Variants in CSMD1 observed in about 807,000 individuals in gnomAD.
CSMD1 encodes the protein CUB and Sushi multiple domains 1.
CSMD1 carries 213 observed loss-of-function variants against 417.5 expected under a neutral mutation model. The ratio of observed to expected loss-of-function variants is 0.51; its 90% CI spans 0.46 to 0.57. CSMD1 has a LOEUF of 0.57. Ranked by LOEUF, CSMD1 falls within the 20% of genes least tolerant of loss-of-function variation. CSMD1 has a pLI of 0.00. For missense variants in CSMD1, 6,923 were observed against 4,529.7 expected (o/e 1.53, Z -15.17); for synonymous variants, 2,862 against 1,736.8 (o/e 1.65, Z -16.11).
chr8:4,494,441 T>C (rs1201419034), intron 2 of CSMD1, among the ~76,000 whole-genome samples: 1 of 152,218 alleles, frequency 6.6e-6, no homozygotes, highest in Non-Finnish European at 1.5e-5. Context: ...TTATCGCATA[T>C]ATTGCTTGAA....
At chr8:4,701,679 T>G (rs1457451541) in intron 1 of CSMD1, among the ~76,000 whole-genome samples, 1 of 152,152 alleles carries the variant, frequency 6.6e-6, no homozygotes, top group Non-Finnish European at 1.5e-5. Context: ...TGTCAAACCT[T>G]TCTCCTTAAA....
chr8:3,931,985 T>A (rs968980939), intron 5 of CSMD1, among the ~76,000 whole-genome samples: 7 of 149,770 alleles, frequency 4.7e-5, no homozygotes, highest in African/African-American at 1.5e-4. Flanking sequence ...TAGTATTGAT[T>A]TAGATGTAGA....
At chr8:4,314,007 C>T (rs1367600979) in intron 3 of CSMD1, among the ~76,000 whole-genome samples, 1 of 150,716 alleles carries the variant, frequency 6.6e-6, no homozygotes, top group African/African-American at 2.4e-5. Context: ...AAGTGAGAAT[C>T]CGTCTCAAAA....
intron 10 of CSMD1, among the ~76,000 whole-genome samples, chr8:3,512,260 T>A (rs910995786): frequency 1.3e-5 from 2 of 152,238 alleles, no homozygotes; most frequent in African/African-American, 2.4e-5. Flanking sequence ...ATTCTCATCT[T>A]CAGGGATGGA....
intron 1 of CSMD1, among the ~76,000 whole-genome samples, chr8:4,822,265 T>C (rs1799566725): frequency 6.6e-6 from 1 of 152,280 alleles, no homozygotes; most frequent in South Asian, 2.1e-4. Flanking sequence ...GAGGATCCGA[T>C]TATGGGTCTT....
At chr8:3,602,373 C>T (rs970938355) in intron 8 of CSMD1, among the ~76,000 whole-genome samples, 2 of 152,042 alleles carry the variant, frequency 1.3e-5, no homozygotes, top group Admixed American at 6.6e-5. Flanking sequence ...TAGAGGAAAG[C>T]AAAATGAATC....
chr8:3,224,241 A>C (rs1455405029), intron 27 of CSMD1, among the ~76,000 whole-genome samples: 6 of 152,230 alleles, frequency 3.9e-5, no homozygotes, highest in Admixed American at 3.9e-4. Flanking sequence ...TGAATAAAAA[A>C]AATCCCATGG....
chr8:4,725,159 G>C (rs1021041736), intron 1 of CSMD1, among the ~76,000 whole-genome samples: 2 of 152,038 alleles, frequency 1.3e-5, no homozygotes, highest in African/African-American at 4.8e-5. Flanking sequence ...CTTTTATAAA[G>C]AATACATTAA....
intron 62 of CSMD1, among the ~76,000 whole-genome samples, chr8:2,959,666 T>C (rs966760886): frequency 2.0e-5 from 3 of 152,144 alleles, no homozygotes; most frequent in African/African-American, 4.8e-5. Flanking sequence ...GAGGTAGTCA[T>C]TTAAGCTGCA....
At chr8:3,456,391 C>A (rs569118838) in intron 12 of CSMD1, among the ~76,000 whole-genome samples, 1 of 152,218 alleles carries the variant, frequency 6.6e-6, no homozygotes, top group East Asian at 1.9e-4. Flanking sequence ...GCATCCCTCA[C>A]GCTGGGAGCT....
chr8:4,205,496 C>G (rs1473292078), intron 3 of CSMD1, among the ~76,000 whole-genome samples: 3 of 152,098 alleles, frequency 2.0e-5, no homozygotes, highest in African/African-American at 4.8e-5. Flanking sequence ...ACAAGCCACT[C>G]GAGGTAACTA....
At chr8:3,789,962 A>G (rs34622102) in intron 5 of CSMD1, among the ~76,000 whole-genome samples, 31,367 of 151,872 alleles carry the variant, frequency 0.21, 3,477 homozygotes, top group Non-Finnish European at 0.24. Flanking sequence ...CGATCTCCTG[A>G]CCTTGTGATC....
intron 26 of CSMD1, among the ~76,000 whole-genome samples, chr8:3,243,471 G>T (rs1258551730): frequency 6.9e-6 from 1 of 145,910 alleles, no homozygotes; most frequent in African/African-American, 2.5e-5. Flanking sequence ...GTCAAAGGGG[G>T]TTGTTTTCTG....
At chr8:3,845,002 G>C (rs959882292) in intron 5 of CSMD1, among the ~76,000 whole-genome samples, 1 of 152,122 alleles carries the variant, frequency 6.6e-6, no homozygotes, top group Admixed American at 6.6e-5. Flanking sequence ...AACTTTAAAA[G>C]TTAACAAAGG....
rs1052983702 is a variant in CSMD1 at position 3,965,022 on chromosome 8, T to A, written c.818+32881A>T. On this transcript the variant is annotated intron_variant, in intron 5 of 69. Coordinates refer to ENST00000635120, the MANE Select transcript of CSMD1 (RefSeq NM_033225.6). ...TTTTTTCTGTGTATAAAGTAGGTGA[T>A]AGTTTCTACACAATGTGCTTGTAAA... is the stretch of plus-strand genomic sequence containing the variant. Among the ~76,000 whole-genome samples the A allele has an allele frequency of 3.3e-5, 5 of 152,200 alleles. No homozygotes were observed. In the East Asian group the frequency reaches 5.8e-4, roughly 18 times the overall value.
At chr8:3,270,337 T>A (rs1182184196) in intron 26 of CSMD1, among the ~76,000 whole-genome samples, 1 of 152,202 alleles carries the variant, frequency 6.6e-6, no homozygotes, top group Non-Finnish European at 1.5e-5. Flanking sequence ...ATTACAGGCA[T>A]GAGCCACTGC....
chr8:4,461,254 C>T (rs1043662599), intron 2 of CSMD1, among the ~76,000 whole-genome samples: 4 of 151,950 alleles, frequency 2.6e-5, no homozygotes, highest in Admixed American at 6.6e-5. Context: ...AAGTCACCTG[C>T]GAAAAGCCTA....
At chr8:4,584,140 A>G (rs1799583125) in intron 2 of CSMD1, among the ~76,000 whole-genome samples, 1 of 152,014 alleles carries the variant, frequency 6.6e-6, no homozygotes, top group African/African-American at 2.4e-5. Context: ...AGAAGGAACA[A>G]ACTCCAGACG....
chr8:4,970,470 A>G (rs1437334646), intron 1 of CSMD1, among the ~76,000 whole-genome samples: 2 of 152,152 alleles, frequency 1.3e-5, no homozygotes, highest in East Asian at 3.8e-4. Context: ...TCGGTCATTT[A>G]TGAGCTCCAT....
Sources: allele counts gnomAD v4.1 joint callset (sites outside exome capture counted in the v4.1 genomes callset), GRCh38; gene constraint gnomAD v4.1.1; transcripts MANE v1.5; gene names NCBI Gene and HGNC (gene_info 2026-07-23, HGNC 2026-07-21).